LHPP: variants seen among roughly 807,000 people sequenced by gnomAD.
LHPP encodes the protein hLHPP.
A neutral mutation model predicts 30.3 loss-of-function variants in LHPP; 24 were observed. The observed-to-expected ratio is 0.79, with a 90% CI of 0.57 to 1.11. The LOEUF is 1.11. Among genes scored for constraint, LHPP ranks in the 50% most tolerant of loss-of-function variants. LHPP has a pLI of 0.00. For missense variants in LHPP, 356 were observed against 367.2 expected, an observed-to-expected ratio of 0.97 and a Z score of 0.25; for synonymous variants, 150 against 157.1, an observed-to-expected ratio of 0.95 and a Z score of 0.34.
intron 6 of LHPP, among the ~76,000 whole-genome samples, chr10:124,545,100 G>C (rs564891306): frequency 6.6e-6 from 1 of 152,134 alleles, no homozygotes. Context: ...CCCGCCCCCA[G>C]AGCAGAGCTG....
At chr10:124,574,807 G>A (rs765842093) in intron 6 of LHPP, among the ~76,000 whole-genome samples, 9 of 152,100 alleles carry the variant, frequency 5.9e-5, no homozygotes, top group South Asian at 2.1e-4. Flanking sequence ...ACCCCTCCTC[G>A]TCTTCCTGAG....
chr10:124,490,239 G>A lies in LHPP; in HGVS notation c.467+1664G>A, dbSNP rs184439637. On this transcript the variant is annotated intron_variant, in intron 3 of 6. Coordinates refer to ENST00000368842, the MANE Select transcript of LHPP (RefSeq NM_022126.4). ...GTTGGCTTCCCCACTTGTGGGTCTTGCAGGTCGGTCACGCTCCAGACCTTT... is the reference window on the plus strand; with the variant it reads ...GTTGGCTTCCCCACTTGTGGGTCTTACAGGTCGGTCACGCTCCAGACCTTT... The A allele has an allele frequency of 4.9e-5, 9 of 182,718 alleles. No individual in the cohort carries two copies. The East Asian group carries it at 1.6e-3, about 32-fold the overall frequency. The allele number at this position is 182,718 out of a possible 1,614,324, so 11.3% of individuals were successfully genotyped here.
At chr10:124,565,170 C>T (rs1245861683) in intron 6 of LHPP, among the ~76,000 whole-genome samples, 1 of 152,166 alleles carries the variant, frequency 6.6e-6, no homozygotes, top group Non-Finnish European at 1.5e-5. Flanking sequence ...AAGCTCCCCT[C>T]CCCACAGCAA....
At chr10:124,555,996 CTATT>C (rs1236634162) in intron 6 of LHPP, among the ~76,000 whole-genome samples, 1 of 152,140 alleles carries the variant, frequency 6.6e-6, no homozygotes, top group African/African-American at 2.4e-5. Context: ...CCAGTGCCCA[CTATT>C]TATTTGGTGC....
intron 6 of LHPP, among the ~76,000 whole-genome samples, chr10:124,543,659 G>A (rs1272521061): frequency 2.0e-5 from 3 of 152,242 alleles, no homozygotes; most frequent in Non-Finnish European, 4.4e-5. Context: ...CGTGGGGCCT[G>A]TCTGGGCCCA....
intron 6 of LHPP, among the ~76,000 whole-genome samples, chr10:124,519,769 C>T (rs905014336): frequency 3.3e-5 from 5 of 152,184 alleles, no homozygotes; most frequent in South Asian, 2.1e-4. Flanking sequence ...GCCATTATTT[C>T]GTTCCTTTTT....
chr10:124,594,628 CT>C (rs60757373), intron 6 of LHPP, among the ~76,000 whole-genome samples: 227 of 143,590 alleles, frequency 1.6e-3, no homozygotes, highest in Non-Finnish European at 2.0e-3. Context: ...ATTCAGTAAA[CT>C]TTTTTTTTTT....
chr10:124,570,862 G>A (rs956692), intron 6 of LHPP, among the ~76,000 whole-genome samples: 32,642 of 152,150 alleles, frequency 0.21, 3,744 homozygotes, highest in East Asian at 0.34. Flanking sequence ...TTGTTGATCT[G>A]TTATCAGCTG....
At chr10:124,497,580 C>T (rs544931053) in intron 4 of LHPP, among the ~76,000 whole-genome samples, 6 of 152,358 alleles carry the variant, frequency 3.9e-5, no homozygotes, top group South Asian at 2.1e-4. Flanking sequence ...CCTCACATCC[C>T]GTCCCATCCT....
intron 6 of LHPP, among the ~76,000 whole-genome samples, chr10:124,551,160 T>C (rs1948157462): frequency 6.6e-6 from 1 of 152,118 alleles, no homozygotes; most frequent in African/African-American, 2.4e-5. Context: ...CCTGGGGAGA[T>C]GGCTCCCCCC....
chr10:124,601,033 T>G (rs188977304), intron 6 of LHPP, among the ~76,000 whole-genome samples: 10 of 151,454 alleles, frequency 6.6e-5, no homozygotes, highest in Non-Finnish European at 1.2e-4. Context: ...GAGGCAAGGG[T>G]TGGAGGGAGG....
At chr10:124,465,038 C>T (rs1005380604) in intron 1 of LHPP, among the ~76,000 whole-genome samples, 2 of 152,052 alleles carry the variant, frequency 1.3e-5, no homozygotes, top group Non-Finnish European at 2.9e-5. Context: ...ACGGGTAAAG[C>T]GCATCATCAC....
chr10:124,575,603 A>T (rs1948647585), intron 6 of LHPP, among the ~76,000 whole-genome samples: 1 of 151,944 alleles, frequency 6.6e-6, no homozygotes, highest in Non-Finnish European at 1.5e-5. Flanking sequence ...CTACCTCAGC[A>T]CTTTGGTCCA....
intron 6 of LHPP, among the ~76,000 whole-genome samples, chr10:124,547,706 G>A (rs1205835757): frequency 1.3e-5 from 2 of 151,862 alleles, no homozygotes; most frequent in East Asian, 3.9e-4. Flanking sequence ...CAGTCTGAGG[G>A]AGGGCTGCTC....
At chr10:124,607,718 C>A (rs1164409711) in intron 6 of LHPP, among the ~76,000 whole-genome samples, 3 of 152,120 alleles carry the variant, frequency 2.0e-5, no homozygotes, top group African/African-American at 7.2e-5. Context: ...GAATCATGGG[C>A]GGTGTTTGCT....
At chr10:124,538,584 C>T (rs1320643608) in intron 6 of LHPP, among the ~76,000 whole-genome samples, 1 of 152,218 alleles carries the variant, frequency 6.6e-6, no homozygotes, top group Admixed American at 6.5e-5. Flanking sequence ...CTGGGGGCCA[C>T]ACACCACTGC....
intron 3 of LHPP, among the ~76,000 whole-genome samples, chr10:124,494,940 C>T (rs1953658960): frequency 6.6e-6 from 1 of 152,136 alleles, no homozygotes; most frequent in African/African-American, 2.4e-5. Context: ...GTAACCTGGG[C>T]CATTTGCAGC....
chr10:124,545,122 C>T (rs1955301638), intron 6 of LHPP, among the ~76,000 whole-genome samples: 1 of 152,178 alleles, frequency 6.6e-6, no homozygotes, highest in Non-Finnish European at 1.5e-5. Flanking sequence ...CCTTACAGGG[C>T]CACAGCCTCT....
At chr10:124,505,588 G>C (rs1042302382) in intron 5 of LHPP, among the ~76,000 whole-genome samples, 4 of 152,184 alleles carry the variant, frequency 2.6e-5, no homozygotes, top group African/African-American at 9.7e-5. Flanking sequence ...AAACCTCTTA[G>C]AGGCAACCTG....
Sources: allele counts gnomAD v4.1 joint callset (sites outside exome capture counted in the v4.1 genomes callset), GRCh38; gene constraint gnomAD v4.1.1; transcripts MANE v1.5; gene names NCBI Gene and HGNC (gene_info 2026-07-23, HGNC 2026-07-21).